ZC3H12B: variants seen among roughly 807,000 people sequenced by gnomAD.
The protein encoded by ZC3H12B is zinc finger CCCH-type containing 12B, also known as probable ribonuclease ZC3H12B.
In ZC3H12B, 7 loss-of-function variants were observed where a neutral mutation model predicts 43.9. The ratio of observed to expected loss-of-function variants is 0.16; its 90% CI spans 0.09 to 0.30. The LOEUF is 0.30. ZC3H12B is among the 10% of genes least tolerant of loss of function. The pLI, the probability that ZC3H12B is intolerant of heterozygous loss-of-function variation, is 1.00. For missense variants in ZC3H12B, 475 were observed against 670.2 expected (o/e 0.71, Z 3.22); for synonymous variants, 222 against 241.7 (o/e 0.92, Z 0.76).
chrX:65,338,551 G>T, the ZC3H12B span, among the ~76,000 whole-genome samples: 16 of 111,928 alleles, frequency 1.4e-4, no homozygotes, highest in African/African-American at 4.9e-4. Flanking sequence ...ATCGGGCAGA[G>T]ACACAAGGAG....
At chrX:65,320,550 T>G in the ZC3H12B span, among the ~76,000 whole-genome samples, 1 of 112,008 alleles carries the variant, frequency 8.9e-6, no homozygotes, top group African/African-American at 3.2e-5. Context: ...AAAAAACTAT[T>G]TCAAAATTTG....
At chrX:65,193,789 G>T in the ZC3H12B span, among the ~76,000 whole-genome samples, 1 of 111,603 alleles carries the variant, frequency 9.0e-6, no homozygotes, top group Non-Finnish European at 1.9e-5. Flanking sequence ...TCTTAGTGTT[G>T]CTTTCTCTAT....
At chrX:65,383,233 T>A (rs1219379752) in intron 2 of ZC3H12B, among the ~76,000 whole-genome samples, 1 of 112,019 alleles carries the variant, frequency 8.9e-6, no homozygotes, top group Non-Finnish European at 1.9e-5. Context: ...CAAAACAGCA[T>A]GGTACTGGTA....
chrX:65,289,891 C>G, the ZC3H12B span, among the ~76,000 whole-genome samples: 4 of 110,603 alleles, frequency 3.6e-5, no homozygotes, highest in African/African-American at 1.3e-4. Context: ...TAGAAGAAAA[C>G]AGATAAAATT....
the ZC3H12B span, among the ~76,000 whole-genome samples, chrX:65,295,045 G>A: frequency 7.2e-5 from 8 of 110,762 alleles, no homozygotes; most frequent in East Asian, 2.0e-3. Flanking sequence ...AAAAACTGCA[G>A]AATATACATT....
chrX:65,090,684 C>T, the ZC3H12B span, among the ~76,000 whole-genome samples: 4 of 111,245 alleles, frequency 3.6e-5, no homozygotes, highest in Non-Finnish European at 7.5e-5. Flanking sequence ...CCTTTTAAGT[C>T]AAGGATCTTG....
intron 1 of ZC3H12B, among the ~76,000 whole-genome samples, chrX:65,493,220 A>T (rs1202169403): frequency 9.0e-6 from 1 of 110,762 alleles, no homozygotes; most frequent in African/African-American, 3.3e-5. Context: ...CAGCCTGGCC[A>T]ACAAGGCAAA....
chrX:65,499,775 T>G, intron 3 of ZC3H12B, 108 bp from the exon 9 acceptor site: 1 of 592,850 alleles, frequency 1.7e-6, no homozygotes, highest in South Asian at 3.0e-5. Context: ...GAAGGGCAAT[T>G]AGAAGGCTGT....
At chrX:65,121,156 TG>T in the ZC3H12B span, among the ~76,000 whole-genome samples, 1 of 111,726 alleles carries the variant, frequency 9.0e-6, no homozygotes, top group Non-Finnish European at 1.9e-5. Context: ...AGGATGATGC[TG>T]GCCTCATAAA....
the ZC3H12B span, among the ~76,000 whole-genome samples, chrX:65,206,760 C>T: frequency 9.0e-6 from 1 of 111,414 alleles, no homozygotes; most frequent in East Asian, 2.8e-4. Context: ...GCAATCTGTA[C>T]ATCTGACAAA....
the ZC3H12B span, among the ~76,000 whole-genome samples, chrX:65,044,457 A>G: frequency 1.8e-5 from 2 of 111,730 alleles, no homozygotes; most frequent in African/African-American, 6.5e-5. Context: ...ATTTTATTCT[A>G]TATGATGGGA....
chrX:65,178,565 A>G, the ZC3H12B span, among the ~76,000 whole-genome samples: 1 of 112,563 alleles, frequency 8.9e-6, no homozygotes, highest in South Asian at 3.6e-4. Context: ...ACAAATTTAG[A>G]AGAAAAAAAC....
the ZC3H12B span, among the ~76,000 whole-genome samples, chrX:65,219,261 A>G: frequency 7.7e-4 from 86 of 111,837 alleles, no homozygotes; most frequent in African/African-American, 2.7e-3. Context: ...TGACAAAACA[A>G]GGTTCTTTAA....
At chrX:65,403,745 G>A (rs1360298058) in intron 3 of ZC3H12B, among the ~76,000 whole-genome samples, 1 of 111,517 alleles carries the variant, frequency 9.0e-6, no homozygotes, top group Non-Finnish European at 1.9e-5. Flanking sequence ...AATCATGAAG[G>A]AGAAATAAAG....
the ZC3H12B span, among the ~76,000 whole-genome samples, chrX:65,060,136 A>G: frequency 1.8e-5 from 2 of 112,534 alleles, no homozygotes; most frequent in African/African-American, 3.2e-5. Flanking sequence ...TTTTCAAAAT[A>G]TAAGATCATA....
the ZC3H12B span, among the ~76,000 whole-genome samples, chrX:65,148,941 T>G: frequency 9.0e-6 from 1 of 111,674 alleles, no homozygotes; most frequent in African/African-American, 3.3e-5. Context: ...ATGTCTCCTC[T>G]CTCTCTCTTT....
chrX:65,319,399 C>T, the ZC3H12B span, among the ~76,000 whole-genome samples: 1 of 111,361 alleles, frequency 9.0e-6, no homozygotes, highest in Admixed American at 9.5e-5. Context: ...CTTGAACAGA[C>T]AAATAACGAG....
chrX:65,323,688 T>C, the ZC3H12B span, among the ~76,000 whole-genome samples: 1 of 112,199 alleles, frequency 8.9e-6, no homozygotes, highest in African/African-American at 3.2e-5. Context: ...GAATGATTTA[T>C]TATCCCTTGG....
chrX:65,403,271 G>T (rs760823925), intron 3 of ZC3H12B, among the ~76,000 whole-genome samples: 10 of 111,495 alleles, frequency 9.0e-5, no homozygotes, highest in Non-Finnish European at 1.9e-4. Flanking sequence ...AAAATACACT[G>T]CTAGGGGAGA....
Sources: gnomAD v4.1 joint callset for allele counts (sites outside exome capture counted in the v4.1 genomes callset) on GRCh38, gnomAD v4.1.1 for gene constraint, MANE v1.5 for transcripts, NCBI Gene and HGNC (gene_info 2026-07-23, HGNC 2026-07-21) for gene names.